The following MYOZ2 variants were observed in gnomAD, a reference collection of about 807,000 sequenced individuals.
MYOZ2 encodes the protein myozenin 2, also known as myozenin-2.
MYOZ2 carries 19 observed loss-of-function variants against 25.4 expected under a neutral mutation model. The ratio of observed to expected loss-of-function variants is 0.75; its 90% CI spans 0.52 to 1.10. The LOEUF (loss-of-function observed/expected upper bound fraction) is 1.10. Ranked by LOEUF, MYOZ2 falls within the 50% of genes least tolerant of loss-of-function variation. MYOZ2 has a pLI of 0.00. For synonymous variants in MYOZ2, 92 were observed against 106.9 expected, an observed-to-expected ratio of 0.86 and a Z score of 0.86; for missense variants, 270 against 317.9, an observed-to-expected ratio of 0.85 and a Z score of 1.15.
intron 2 of MYOZ2, among the ~76,000 whole-genome samples, chr4:119,141,507 C>T (rs941280881): frequency 1.8e-4 from 28 of 152,126 alleles, no homozygotes; most frequent in African/African-American, 6.8e-4. Context: ...CTCAGCCTCC[C>T]GAGTAGCTGG....
intron 4 of MYOZ2, among the ~76,000 whole-genome samples, chr4:119,162,271 A>T (rs1403977407): frequency 6.6e-6 from 1 of 152,082 alleles, no homozygotes; most frequent in African/African-American, 2.4e-5. Context: ...AAGAGTGTGA[A>T]AGGAGAAAGC....
At chr4:119,148,402 A>T (rs912985103) in intron 2 of MYOZ2, among the ~76,000 whole-genome samples, 1 of 151,922 alleles carries the variant, frequency 6.6e-6, no homozygotes, top group Admixed American at 6.6e-5. Context: ...ACTTTAGGAC[A>T]TTTTTCAGCC....
intron 1 of MYOZ2, among the ~76,000 whole-genome samples, chr4:119,136,282 G>A (rs926461312): frequency 5.9e-5 from 9 of 152,180 alleles, no homozygotes; most frequent in African/African-American, 2.2e-4. Flanking sequence ...CTCACTGCCT[G>A]ATGATCATTG....
In MYOZ2 at chr4:119,186,109, C is replaced by A. The variant is rs779106357; in HGVS notation, c.704C>A (p.Thr235Asn). ...PLSGRRSFNR[T>N]PKGWISENIP... ...TCTGGCAGACGGTCCTTTAATAGGA[C>A]TCCTAAGGGATGGATATCTGAGAAT... Residue 235 changes from threonine to asparagine, a missense_variant, in exon 6 of 6, where the codon ACT (threonine) becomes AAT (asparagine). Transcript: ENST00000307128. The A allele has an allele frequency of 6.2e-7, 1 of 1,613,944 alleles. No individual in the cohort carries two copies. Among genetic ancestry groups the A allele is most frequent in the Non-Finnish European group, 8.5e-7 (1 of 1,179,930 alleles).
chr4:119,164,045 T>C (rs1297390755), intron 4 of MYOZ2, among the ~76,000 whole-genome samples, 166 bp from the exon 5 acceptor site: 1 of 152,182 alleles, frequency 6.6e-6, no homozygotes, highest in Non-Finnish European at 1.5e-5. Flanking sequence ...ACAGGAGCTC[T>C]AAAATGTCTA....
At chr4:119,171,379 T>G (rs1335303545) in intron 5 of MYOZ2, among the ~76,000 whole-genome samples, 2 of 151,980 alleles carry the variant, frequency 1.3e-5, no homozygotes, top group African/African-American at 4.8e-5. Context: ...TACCTTATGT[T>G]TTGTGCACTT....
At chr4:119,175,319 T>C (rs1742044007) in intron 5 of MYOZ2, among the ~76,000 whole-genome samples, 1 of 152,256 alleles carries the variant, frequency 6.6e-6, no homozygotes, top group Non-Finnish European at 1.5e-5. Flanking sequence ...CAGAGGGATG[T>C]GTCTTCTTTG....
At position 119,145,210 on chromosome 4, in the gene MYOZ2, G is replaced by A. The variant is rs565728111; in HGVS notation, c.77-5662G>A. ...TGCCTCCCTGGATTAAACCCCACTG[G>A]CTCATGATATAAAATTCTTTTCATA... On this transcript the variant is annotated intron_variant, in intron 2 of 5. Transcript: ENST00000307128. Among the ~76,000 whole-genome samples the A allele has an allele frequency of 3.3e-5, 5 of 152,068 alleles. No homozygotes were observed. The East Asian group carries it at 9.7e-4, about 29-fold the overall frequency.
intron 5 of MYOZ2, among the ~76,000 whole-genome samples, chr4:119,170,544 A>G (rs914491455): frequency 2.0e-5 from 3 of 152,170 alleles, no homozygotes; most frequent in Non-Finnish European, 2.9e-5. Context: ...AATAATATAA[A>G]TGTTTTTAAA....
intron 2 of MYOZ2, among the ~76,000 whole-genome samples, chr4:119,145,832 T>C (rs1257137057): frequency 6.6e-6 from 1 of 152,200 alleles, no homozygotes; most frequent in Non-Finnish European, 1.5e-5. Context: ...AGTGAAATGA[T>C]TTAAGTCTGA....
At chr4:119,185,828 T>C in intron 5 of MYOZ2, 138 bp from the exon 6 acceptor site, 1 of 729,960 alleles carries the variant, frequency 1.4e-6, no homozygotes, top group East Asian at 2.7e-5. Context: ...TGACAGTCAT[T>C]CATAGAATAT....
chr4:119,142,891 T>C (rs1741190129), intron 2 of MYOZ2, among the ~76,000 whole-genome samples: 2 of 152,178 alleles, frequency 1.3e-5, no homozygotes, highest in African/African-American at 2.4e-5. Flanking sequence ...TGAACCAATA[T>C]TGATAACTGT....
intron 2 of MYOZ2, among the ~76,000 whole-genome samples, chr4:119,142,211 C>G (rs569049263): frequency 1.8e-4 from 28 of 152,230 alleles, no homozygotes; most frequent in Admixed American, 1.6e-3. Flanking sequence ...CATGGAAGCA[C>G]TAAATGCAGA....
chr4:119,174,853 C>G (rs1303156347), intron 5 of MYOZ2, among the ~76,000 whole-genome samples: 1 of 152,120 alleles, frequency 6.6e-6, no homozygotes. Flanking sequence ...CTGTAACAGT[C>G]ACCGCAAAGA....
intron 5 of MYOZ2, among the ~76,000 whole-genome samples, chr4:119,179,744 A>G (rs983286137): frequency 2.6e-5 from 4 of 152,244 alleles, no homozygotes; most frequent in Admixed American, 2.0e-4. Flanking sequence ...TCAAACTGCC[A>G]GCATTTGGTG....
intron 5 of MYOZ2, among the ~76,000 whole-genome samples, chr4:119,169,610 CT>C (rs1459395704): frequency 6.6e-6 from 1 of 152,242 alleles, no homozygotes; most frequent in Non-Finnish European, 1.5e-5. Context: ...TACCACGTTT[CT>C]CCTTGAGGCA....
intron 2 of MYOZ2, among the ~76,000 whole-genome samples, chr4:119,147,124 C>T (rs984699654): frequency 3.3e-5 from 5 of 152,156 alleles, no homozygotes; most frequent in Non-Finnish European, 2.9e-5. Context: ...TAGGCAGCAT[C>T]GTCCAACAAA....
intron 5 of MYOZ2, among the ~76,000 whole-genome samples, chr4:119,176,574 A>T (rs1472257208): frequency 1.3e-5 from 2 of 152,220 alleles, no homozygotes; most frequent in African/African-American, 4.8e-5. Flanking sequence ...ATAAAATATC[A>T]TCTTGAACAT....
chr4:119,153,117 C>T (rs912714612), intron 3 of MYOZ2, among the ~76,000 whole-genome samples: 7 of 149,472 alleles, frequency 4.7e-5, no homozygotes, highest in Non-Finnish European at 8.9e-5. Flanking sequence ...AATAAAGATA[C>T]GCACTCCAAT....
Sources: allele counts gnomAD v4.1 joint callset (sites outside exome capture counted in the v4.1 genomes callset), GRCh38; gene constraint gnomAD v4.1.1; transcripts MANE v1.5; gene names NCBI Gene and HGNC (gene_info 2026-07-23, HGNC 2026-07-21).